CLIP2: variants seen among roughly 807,000 people sequenced by gnomAD.
CLIP2 encodes CAP-Gly domain-containing linker protein 2.
A neutral mutation model predicts 111.7 loss-of-function variants in CLIP2; 41 were observed. The observed-to-expected ratio is 0.37, with a 90% confidence interval of 0.29 to 0.48. CLIP2 has a LOEUF of 0.48. Ranked by LOEUF, CLIP2 falls within the 20% of genes least tolerant of loss-of-function variation. The pLI is 0.99. For missense variants in CLIP2, 1,160 were observed against 1,422.1 expected, an observed-to-expected ratio of 0.82 and a Z score of 2.96; for synonymous variants, 660 against 644.2, an observed-to-expected ratio of 1.02 and a Z score of -0.37.
intron 1 of CLIP2, among the ~76,000 whole-genome samples, chr7:74,310,839 G>C (rs890211810): frequency 4.6e-5 from 7 of 151,894 alleles, no homozygotes; most frequent in Admixed American, 1.3e-4. Context: ...AGCCTTCCAG[G>C]TAGTTGGGAC....
chr7:74,304,567 A>G (rs1281151659), intron 1 of CLIP2, among the ~76,000 whole-genome samples: 1 of 151,814 alleles, frequency 6.6e-6, no homozygotes, highest in African/African-American at 2.4e-5. Context: ...AAAAAAAAAA[A>G]AAAGTTTAAG....
chr7:74,297,613 C>T (rs1167400218), intron 1 of CLIP2, among the ~76,000 whole-genome samples: 2 of 152,064 alleles, frequency 1.3e-5, no homozygotes, highest in South Asian at 2.1e-4. Flanking sequence ...GGGACCTACC[C>T]CTGGGAACAC....
Position 74,404,013 on chromosome 7 carries a change from C to A in CLIP2, c.*165C>A. ...CGGACAATCCCCCACCCCGATCCCTCGCCAGACCAGGACGCTTCCTCAAGC... is the reference window on the plus strand; with the variant it reads ...CGGACAATCCCCCACCCCGATCCCTAGCCAGACCAGGACGCTTCCTCAAGC... On this transcript the variant is annotated 3_prime_UTR_variant, in exon 17 of 17. Transcript: ENST00000223398. 1.3e-6 allele frequency: 1 copy of A among 754,310 alleles called. No individual in the cohort carries two copies. Among genetic ancestry groups the A allele is most frequent in the Non-Finnish European group, 2.3e-6 (1 of 435,522 alleles). 46.7% of individuals were successfully genotyped at this position (754,310 alleles called of 1,614,324 possible). A position where few individuals can be genotyped will look rare whatever the true frequency, so the allele number is the denominator to read the frequency against.
rs543761794 is a variant in CLIP2, at chr7:74,292,757, A to T, written c.-68+3023A>T. 3.3e-5 allele frequency among the ~76,000 whole-genome samples: 5 copies of T among 152,254 alleles called. No homozygotes were observed. In the East Asian group the frequency reaches 9.6e-4, roughly 29 times the overall value. On this transcript the variant is annotated intron_variant, in intron 1 of 16. Coordinates refer to ENST00000223398, the MANE Select transcript of CLIP2 (RefSeq NM_003388.5). ...TAATAAGGTTGCCTACATTTTACAG[A>T]TAAGAATATCCTGGCACAAAGAGGT...
chr7:74,293,366 C>T (rs1284561600), intron 1 of CLIP2, among the ~76,000 whole-genome samples: 1 of 152,128 alleles, frequency 6.6e-6, no homozygotes, highest in African/African-American at 2.4e-5. Context: ...GCATCTGTCC[C>T]GTCTCCTTCT....
intron 3 of CLIP2, among the ~76,000 whole-genome samples, chr7:74,339,747 A>G (rs1431825055): frequency 6.6e-6 from 1 of 152,082 alleles, no homozygotes; most frequent in Non-Finnish European, 1.5e-5. Flanking sequence ...ATCCACATGC[A>G]TGTGCCAGGC....
chr7:74,354,040 G>C (rs202078865), intron 4 of CLIP2, 36 bp downstream of exon 4: 1 of 1,585,086 alleles, frequency 6.3e-7, no homozygotes, highest in Non-Finnish European at 8.6e-7. Context: ...ATGGGAGGGG[G>C]CTCCTCTCCC....
At chr7:74,347,628 C>G (rs1290931262) in intron 3 of CLIP2, among the ~76,000 whole-genome samples, 4 of 152,220 alleles carry the variant, frequency 2.6e-5, no homozygotes, top group Non-Finnish European at 4.4e-5. Context: ...CTGGCGGCCA[C>G]GCCTACTCCC....
At chr7:74,370,227 T>C (rs1185929121) in intron 8 of CLIP2, among the ~76,000 whole-genome samples, 1 of 145,848 alleles carries the variant, frequency 6.9e-6, no homozygotes, top group Non-Finnish European at 1.5e-5. Context: ...GAGGCCGAGG[T>C]GGGCGGATCA....
chr7:74,312,883 G>A lies in CLIP2; in HGVS notation c.-67-4597G>A, dbSNP rs754136408. Among the ~76,000 whole-genome samples, 60 of 152,180 alleles carry A rather than the reference G, an allele frequency of 3.9e-4. 1 individual carries two copies. Among genetic ancestry groups the A allele is most frequent in the Non-Finnish European group, 7.8e-4 (53 of 68,038 alleles). ...GGAGGAAGTGATCCTTCACTCGGAT[G>A]TGCCAGGACAGGTAGTAGCATTGCT... On this transcript the variant is annotated intron_variant, in intron 1 of 16. Coordinates refer to ENST00000223398, the MANE Select transcript of CLIP2 (RefSeq NM_003388.5).
intron 3 of CLIP2, 151 bp downstream of exon 3, chr7:74,339,155 C>G: frequency 1.5e-6 from 1 of 668,896 alleles, no homozygotes; most frequent in Non-Finnish European, 2.5e-6. Context: ...CATTCCTTAT[C>G]AGGACCATAC....
Position 74,404,084 on chromosome 7 carries a change from C to A in CLIP2, c.*236C>A. The A allele has an allele frequency of 1.9e-6, 1 of 521,802 alleles. No homozygotes were observed. Among genetic ancestry groups the A allele is most frequent in the Non-Finnish European group, 3.5e-6 (1 of 285,734 alleles). The allele number at this position is 521,802 out of a possible 1,614,324, so 32.3% of individuals were successfully genotyped here. On this transcript the variant is annotated 3_prime_UTR_variant, in exon 17 of 17. Transcript: ENST00000223398. Reference sequence around the variant, plus strand: ...TGAACGGTACAGCCCCGGCCTGACCCGGGGACCTTCAGCCTGGACACCCGG... The same window carrying A: ...TGAACGGTACAGCCCCGGCCTGACCAGGGGACCTTCAGCCTGGACACCCGG...
At chr7:74,302,853 C>T (rs1554727037) in intron 1 of CLIP2, among the ~76,000 whole-genome samples, 1 of 152,246 alleles carries the variant, frequency 6.6e-6, no homozygotes, top group South Asian at 2.1e-4. Flanking sequence ...CAGCTGTCCC[C>T]ACTATCTGGA....
At chr7:74,397,035 G>A in intron 13 of CLIP2, 39 bp from the exon 14 acceptor site, 1 of 1,603,682 alleles carries the variant, frequency 6.2e-7, no homozygotes. Context: ...GGAGGAGCCA[G>A]GGCTGAGTGC....
At chr7:74,382,587 C>T (rs1790977768) in intron 11 of CLIP2, among the ~76,000 whole-genome samples, 1 of 150,144 alleles carries the variant, frequency 6.7e-6, no homozygotes, top group Admixed American at 6.7e-5. Context: ...GCTGGGATTA[C>T]AGGCATGAGC....
rs1790417607 is a variant in CLIP2, at chr7:74,364,379, G to C, written c.1380+64G>C. 31 of 1,459,890 alleles carry C rather than the reference G, an allele frequency of 2.1e-5. 1 individual carries two copies. In the South Asian group the frequency reaches 3.6e-4, roughly 17 times the overall value. The allele number at this position is 1,459,890 out of a possible 1,614,324, so 90.4% of individuals were successfully genotyped here. A position where few individuals can be genotyped will look rare whatever the true frequency, so the allele number is the denominator to read the frequency against. Reference sequence around the variant, plus strand: ...CCGGTGCCTGGCCCTTGCTAGGGCAGATGGTTGTGAGGTCCAGCAGCACCT... The same window carrying C: ...CCGGTGCCTGGCCCTTGCTAGGGCACATGGTTGTGAGGTCCAGCAGCACCT... On this transcript the variant is annotated intron_variant, in intron 8 of 16. Transcript: ENST00000223398.
intron 11 of CLIP2, among the ~76,000 whole-genome samples, chr7:74,381,336 G>C (rs1001207960): frequency 6.6e-6 from 1 of 151,968 alleles, no homozygotes; most frequent in Non-Finnish European, 1.5e-5. Flanking sequence ...TTACAGGCAT[G>C]CACCACCATG....
In CLIP2 at chr7:74,337,452, AC is replaced by A. The variant is rs1161958589; in HGVS notation, c.122-995del. Among the ~76,000 whole-genome samples the A allele has an allele frequency of 2.0e-5, 3 of 152,030 alleles. No individual in the cohort carries two copies. In the East Asian group the frequency reaches 5.8e-4, roughly 29 times the overall value. On this transcript the variant is annotated intron_variant, in intron 2 of 16. Coordinates refer to ENST00000223398, the MANE Select transcript of CLIP2 (RefSeq NM_003388.5). ...ACCACTTGCACAACACCTAGGTCCC[AC>A]ATAGGGGCCACAGGGGGTCTCGGGT... is the stretch of plus-strand genomic sequence containing the variant.
At chr7:74,368,902 A>G (rs1444676615) in intron 8 of CLIP2, among the ~76,000 whole-genome samples, 1 of 152,170 alleles carries the variant, frequency 6.6e-6, no homozygotes, top group Non-Finnish European at 1.5e-5. Flanking sequence ...CAGACGTCAT[A>G]TGGCCAAATA....
Sources: gnomAD v4.1 joint callset for allele counts (sites outside exome capture counted in the v4.1 genomes callset) on GRCh38, gnomAD v4.1.1 for gene constraint, MANE v1.5 for transcripts, NCBI Gene and HGNC (gene_info 2026-07-23, HGNC 2026-07-21) for gene names.